Variants in CDCA7 observed in about 807,000 individuals in gnomAD.
CDCA7 encodes cell division cycle associated 7.
CDCA7 carries 28 observed loss-of-function variants against 54.0 expected under a neutral mutation model. The observed-to-expected ratio is 0.52, with a 90% CI of 0.38 to 0.71. The LOEUF is 0.71. Ranked by LOEUF, CDCA7 falls within the 30% of genes least tolerant of loss-of-function variation. CDCA7 has a pLI of 0.00. For missense variants in CDCA7, 484 were observed against 586.0 expected, an observed-to-expected ratio of 0.83 and a Z score of 1.80; for synonymous variants, 180 against 208.2, an observed-to-expected ratio of 0.86 and a Z score of 1.16.
intron 5 of CDCA7, chr2:173,364,531 A>G (rs1686682829): frequency 1.6e-5 from 5 of 308,902 alleles, no homozygotes; most frequent in Non-Finnish European, 2.9e-5. Context: ...ACAGAAGATC[A>G]TTTCTTACAT....
Position 173,363,273 on chromosome 2 carries a change from G to A in CDCA7, c.432G>A (p.Arg144=), listed in dbSNP as rs773129433. 18 of 1,614,052 alleles carry A rather than the reference G, an allele frequency of 1.1e-5. No individual in the cohort carries two copies. In the Admixed American group the frequency reaches 2.8e-4, roughly 25 times the overall value. ...REGCRTRSQC[R]HSGPLRVAMK... ...GCTGTAGGACCCGCAGCCAGTGCAG[G>A]CACTCTGGACCTCTCAGGGTGGCGA... Residue 144 remains arginine (R), a synonymous_variant, in exon 4 of 10, where the codon AGG becomes AGA. Coordinates refer to ENST00000306721, the MANE Select transcript of CDCA7 (RefSeq NM_031942.5).
Position 173,366,240 on chromosome 2 carries a change from A to C in CDCA7, c.1036-43A>C, listed in dbSNP as rs746514365. The stretch of plus-strand genomic sequence containing the variant: ...AATATGCCATTTCCTCTGTTGAAAA[A>C]CAGTGGTTTTTTTTGTTTTTTTTCT... On this transcript the variant is annotated intron_variant, in intron 7 of 9. Transcript: ENST00000306721. This position sits in a 1 kb window ranked among gnomAD's most constrained non-coding sequence, Gnocchi z 4.5. 2 of 1,548,946 alleles carry C rather than the reference A, an allele frequency of 1.3e-6. No individual in the cohort carries two copies. Among genetic ancestry groups the C allele is most frequent in the Non-Finnish European group, 8.7e-7 (1 of 1,154,436 alleles).
At chr2:173,363,694 ATG>A (rs1686666183) in intron 4 of CDCA7, 122 bp from the exon 5 acceptor site, 1 of 1,040,832 alleles carries the variant, frequency 9.6e-7, no homozygotes, top group Non-Finnish European at 1.4e-6. Context: ...GAAACTCTGA[ATG>A]TGTCAGCTTA....
intron 6 of CDCA7, 67 bp downstream of exon 6, chr2:173,365,056 GCA>G (rs1686694784): frequency 1.3e-6 from 2 of 1,489,888 alleles, no homozygotes; most frequent in Non-Finnish European, 8.8e-7. Flanking sequence ...ATCATACACA[GCA>G]CAGGTACACG....
At position 173,366,172 on chromosome 2, in the gene CDCA7, T is replaced by C. The variant is rs1686715328; in HGVS notation, c.1036-111T>C. The C allele has an allele frequency of 3.1e-6, 4 of 1,281,648 alleles. No individual in the cohort carries two copies. Among genetic ancestry groups the C allele is most frequent in the Admixed American group, 4.8e-5 (2 of 41,526 alleles). 79.4% of individuals were successfully genotyped at this position (1,281,648 alleles called of 1,614,324 possible). A position where few individuals can be genotyped will look rare whatever the true frequency, so the allele number is the denominator to read the frequency against. Reference sequence around the variant, plus strand: ...ATATACATGTGTATGTAGAGATTCATAGACAAAATGTAAGCCTATACTACG... The same window carrying C: ...ATATACATGTGTATGTAGAGATTCACAGACAAAATGTAAGCCTATACTACG... On this transcript the variant is annotated intron_variant, in intron 7 of 9. Coordinates refer to ENST00000306721, the MANE Select transcript of CDCA7 (RefSeq NM_031942.5). The surrounding 1 kb of genome is among the most constrained non-coding windows in gnomAD (Gnocchi z 4.5).
intron 9 of CDCA7, 144 bp downstream of exon 9, chr2:173,367,430 C>T: frequency 7.2e-7 from 1 of 1,385,962 alleles, no homozygotes; most frequent in Non-Finnish European, 1.0e-6. Context: ...GGGATGGGAA[C>T]ATTTTCTGTC....
chr2:173,367,259 T>C lies in CDCA7; in HGVS notation c.1295T>C (p.Phe432Ser). The change falls in exon 9 of 10, where the codon TTT (phenylalanine) becomes TCT (serine). Residue 432 changes from phenylalanine to serine, a missense_variant. Coordinates refer to ENST00000306721, the MANE Select transcript of CDCA7 (RefSeq NM_031942.5). ...GTGTATTTAGCCAAATATCATGGCT[T>C]TGGGAATGTGCATGCCTACTTGAAA... ...VLVYLAKYHG[F>S]GNVHAYLKSL... The C allele has an allele frequency of 6.2e-7, 1 of 1,614,078 alleles. No individual in the cohort carries two copies.
At position 173,365,660 on chromosome 2, in the gene CDCA7, G is replaced by A. The variant is rs574795645; in HGVS notation, c.1035+68G>A. 3.2e-6 allele frequency: 5 copies of A among 1,547,548 alleles called. No individual in the cohort carries two copies. The African/African-American group carries it at 6.9e-5, about 21-fold the overall frequency. On this transcript the variant is annotated intron_variant, in intron 7 of 9. Transcript: ENST00000306721. ...AGAGGAAGAGAGCTTCTGTCCCTAA[G>A]CGTTGCCCAGGTTCTAAAGGGCCTA... is the stretch of plus-strand genomic sequence containing the variant.
intron 1 of CDCA7, among the ~76,000 whole-genome samples, chr2:173,355,625 G>A (rs1441485026): frequency 6.6e-6 from 1 of 152,124 alleles, no homozygotes; most frequent in African/African-American, 2.4e-5. Context: ...CAAAGCGTTC[G>A]CCGACCATTT....
rs373468351 is a variant in CDCA7 at position 173,364,888 on chromosome 2, C to T, written c.793C>T (p.Arg265Trp). Residue 265 changes from arginine (R) to tryptophan (W), a missense_variant, in exon 6 of 10, where the codon CGG (arginine) becomes TGG (tryptophan). Transcript: ENST00000306721. ...RARPLTRSRS[R>W]ILGSLDALPM... ...TCGTCCTCTTACCAGGTCAAGGTCC[C>T]GGATCCTCGGGTCCCTTGACGCTCT... The T allele has an allele frequency of 3.1e-6, 5 of 1,610,072 alleles. No individual in the cohort carries two copies. The highest frequency in any genetic ancestry group is 2.2e-5 in the East Asian group (1 of 44,558).
chr2:173,367,097 G>T, intron 8 of CDCA7, 53 bp from the exon 9 acceptor site: 2 of 1,531,972 alleles, frequency 1.3e-6, no homozygotes, highest in Non-Finnish European at 1.7e-6. Context: ...TAGATAAGTT[G>T]GTGGGGGAGG....
chr2:173,367,418 A>G, intron 9 of CDCA7, 132 bp downstream of exon 9: 1 of 1,407,826 alleles, frequency 7.1e-7, no homozygotes, highest in Non-Finnish European at 9.9e-7. Context: ...GGCACACTGG[A>G]AGGGATGGGA....
In CDCA7 at chr2:173,358,695, G is replaced by A; in HGVS notation, c.22-17G>A. 2 of 1,611,080 alleles carry A rather than the reference G, an allele frequency of 1.2e-6. No individual in the cohort carries two copies. ...AGTAAGCATCACGCTTAATAGGATT[G>A]CTATTTCCATTTGCAGCAGAAAGAT... On this transcript the variant is annotated splice_polypyrimidine_tract_variant and intron_variant, in intron 1 of 9. Transcript: ENST00000306721.
chr2:173,362,139 A>G (rs11691325), intron 3 of CDCA7, among the ~76,000 whole-genome samples: 64,908 of 152,086 alleles, frequency 0.43, 15,008 homozygotes, highest in East Asian at 0.57. Context: ...TTTGATTTAC[A>G]TTACCCTATG....
rs1161513971 is a variant in CDCA7 at position 173,365,462 on chromosome 2, T to G, written c.905T>G (p.Leu302Arg). The change falls in exon 7 of 10, where the codon CTG becomes CGG. Residue 302 changes from leucine to arginine, a missense_variant. Around this residue, in one of 3 missense-constraint regions of CDCA7, gnomAD observed 398 missense variants for 447.4 expected, o/e 0.89. Transcript: ENST00000306721. Reference protein sequence around the residue: ...TVDGYMNEDDLPRSRRSRSSV... With the variant: ...TVDGYMNEDDRPRSRRSRSSV... ...TTCCTTGTAATGCAGGAAGATGACC[T>G]GCCCAGAAGCCGTCGCTCCAGATCA... The G allele has an allele frequency of 6.2e-7, 1 of 1,611,430 alleles. No homozygotes were observed. The highest frequency in any genetic ancestry group is 8.5e-7 in the Non-Finnish European group (1 of 1,179,012).
chr2:173,360,307 C>T (rs554044112), intron 3 of CDCA7, among the ~76,000 whole-genome samples: 1 of 152,316 alleles, frequency 6.6e-6, no homozygotes, highest in Non-Finnish European at 1.5e-5. Flanking sequence ...CTGGATGCGA[C>T]ACAAACATTG....
chr2:173,355,732 T>C (rs1487411988), intron 1 of CDCA7, among the ~76,000 whole-genome samples: 2 of 146,606 alleles, frequency 1.4e-5, no homozygotes, highest in Non-Finnish European at 3.0e-5. Context: ...AGTGGAACGT[T>C]ACTTTTTGCT....
At chr2:173,356,914 G>A (rs1686517940) in intron 1 of CDCA7, among the ~76,000 whole-genome samples, 2 of 152,144 alleles carry the variant, frequency 1.3e-5, no homozygotes, top group Admixed American at 6.5e-5. Flanking sequence ...TTTACTTAGG[G>A]GTATAGGGAT....
intron 1 of CDCA7, among the ~76,000 whole-genome samples, chr2:173,357,333 T>C (rs1224099789): frequency 6.6e-6 from 1 of 151,244 alleles, no homozygotes; most frequent in East Asian, 1.9e-4. Context: ...ACTTAAGTCT[T>C]GTATAGCAAA....
Sources: allele counts gnomAD v4.1 joint callset (sites outside exome capture counted in the v4.1 genomes callset), GRCh38; gene constraint gnomAD v4.1.1; regional missense constraint gnomAD v4.1.1; non-coding constraint Gnocchi (gnomAD v3.1); transcripts MANE v1.5; gene names NCBI Gene and HGNC (gene_info 2026-07-23, HGNC 2026-07-21).